ITPR2: variants seen among roughly 807,000 people sequenced by gnomAD.
ITPR2 encodes the protein inositol 1,4,5-trisphosphate-gated calcium channel ITPR2.
ITPR2 carries 207 observed loss-of-function variants against 317.1 expected under a neutral mutation model. The observed-to-expected ratio is 0.65, with a 90% CI of 0.58 to 0.73. The LOEUF is 0.73. Ranked by LOEUF, ITPR2 falls within the 30% of genes least tolerant of loss-of-function variation. The probability of loss-of-function intolerance (pLI) is 0.00; values close to 1 mark genes in which losing one functional copy is unlikely to be tolerated. For missense variants in ITPR2, 2,613 were observed against 3,284.0 expected (o/e 0.80, Z 4.99); for synonymous variants, 1,156 against 1,149.1 (o/e 1.01, Z -0.12).
intron 10 of ITPR2, among the ~76,000 whole-genome samples, chr12:26,688,810 G>A (rs1390527160): frequency 6.6e-6 from 1 of 152,126 alleles, no homozygotes; most frequent in Non-Finnish European, 1.5e-5. Context: ...TGGGTCTTGG[G>A]ACCCACTTTC....
chr12:26,761,464 C>T (rs1023863652), intron 2 of ITPR2, among the ~76,000 whole-genome samples: 10 of 152,284 alleles, frequency 6.6e-5, no homozygotes, highest in African/African-American at 2.2e-4. Flanking sequence ...GAGATCTATA[C>T]ATTTTCTGAT....
intron 49 of ITPR2, among the ~76,000 whole-genome samples, chr12:26,423,853 A>C (rs1370139895): frequency 6.6e-6 from 1 of 152,210 alleles, no homozygotes; most frequent in Non-Finnish European, 1.5e-5. Flanking sequence ...TATTGCGATC[A>C]CTTCTGTGAC....
At chr12:26,782,014 ATATATATATATATATATATG>A (rs1252524221) in intron 2 of ITPR2, among the ~76,000 whole-genome samples, 154 of 30,950 alleles carry the variant, frequency 5.0e-3, no homozygotes, top group Middle Eastern at 0.019. Flanking sequence ...ATATATATAT[ATATATATATATATATATATG>A]TATAGAGAGA....
intron 52 of ITPR2, among the ~76,000 whole-genome samples, chr12:26,403,762 A>G (rs1940255417): frequency 6.6e-6 from 1 of 152,178 alleles, no homozygotes; most frequent in South Asian, 2.1e-4. Flanking sequence ...GTTTGCCTTG[A>G]CTCATCAATG....
chr12:26,550,303 T>G lies in ITPR2; in HGVS notation c.5017A>C (p.Lys1673Gln). The change falls in exon 37 of 57, where the codon AAA (lysine) becomes CAA (glutamine). Residue 1673 changes from lysine (K) to glutamine (Q), a missense_variant. Around this residue, in one of 9 missense-constraint regions of ITPR2, gnomAD observed 926 missense variants for 1,072.8 expected, o/e 0.86. Coordinates refer to ENST00000381340, the MANE Select transcript of ITPR2 (RefSeq NM_002223.4). The part of the protein sequence containing the change: ...LMEKEEKLCI[K>Q]ILQTLREMLE... ...ATTTCTCGTAATGTCTGAAGAATTTTAATGCACAGTTTTTCTTCTTTCTCC... is the reference window on the plus strand; with the variant it reads ...ATTTCTCGTAATGTCTGAAGAATTTGAATGCACAGTTTTTCTTCTTTCTCC... The G allele has an allele frequency of 6.4e-7, 1 of 1,551,364 alleles. No homozygotes were observed. Among genetic ancestry groups the G allele is most frequent in the Non-Finnish European group, 8.9e-7 (1 of 1,129,344 alleles).
At chr12:26,661,586 A>G (rs1274529806) in intron 15 of ITPR2, among the ~76,000 whole-genome samples, 1 of 152,202 alleles carries the variant, frequency 6.6e-6, no homozygotes, top group Non-Finnish European at 1.5e-5. Context: ...GAGGGTGCAC[A>G]TCATGGGACC....
chr12:26,349,685 A>C (rs559410404), intron 55 of ITPR2, among the ~76,000 whole-genome samples: 1 of 152,248 alleles, frequency 6.6e-6, no homozygotes, highest in Non-Finnish European at 1.5e-5. Context: ...CGCCTTAGAG[A>C]CGTGCATGGC....
chr12:26,765,679 A>G (rs1342891781), intron 2 of ITPR2, among the ~76,000 whole-genome samples: 3 of 152,136 alleles, frequency 2.0e-5, no homozygotes, highest in Non-Finnish European at 4.4e-5. Context: ...TCACTTATTT[A>G]AAGTGTGTAA....
chr12:26,401,086 A>G (rs1940164099), intron 52 of ITPR2, among the ~76,000 whole-genome samples: 1 of 152,118 alleles, frequency 6.6e-6, no homozygotes, highest in South Asian at 2.1e-4. Context: ...AAAATTAGCC[A>G]GGCATGGTGG....
chr12:26,376,458 C>T (rs1939346387), intron 55 of ITPR2, among the ~76,000 whole-genome samples: 1 of 152,124 alleles, frequency 6.6e-6, no homozygotes, highest in African/African-American at 2.4e-5. Flanking sequence ...TTTTTCATAG[C>T]CATCATTTCT....
chr12:26,504,534 T>C (rs1183602663), intron 37 of ITPR2, among the ~76,000 whole-genome samples: 1 of 152,180 alleles, frequency 6.6e-6, no homozygotes, highest in Non-Finnish European at 1.5e-5. Context: ...AAAGAAATGC[T>C]AATAAAATGG....
intron 26 of ITPR2, among the ~76,000 whole-genome samples, chr12:26,609,640 G>A (rs1224905052): frequency 6.7e-6 from 1 of 148,206 alleles, no homozygotes; most frequent in Non-Finnish European, 1.5e-5. Context: ...AAAAAAAAAA[G>A]ATAGTAACTT....
At chr12:26,646,018 G>GAC (rs1253391934) in intron 21 of ITPR2, among the ~76,000 whole-genome samples, 1 of 141,670 alleles carries the variant, frequency 7.1e-6, no homozygotes, top group Non-Finnish European at 1.5e-5. Context: ...ATATCCAGTG[G>GAC]ACTAGGGCTT....
At chr12:26,525,334 G>A (rs1201352311) in intron 37 of ITPR2, among the ~76,000 whole-genome samples, 2 of 152,096 alleles carry the variant, frequency 1.3e-5, no homozygotes, top group Admixed American at 1.3e-4. Flanking sequence ...ATTTATGACA[G>A]ACATATAAAG....
intron 37 of ITPR2, among the ~76,000 whole-genome samples, chr12:26,508,020 G>A (rs1005130049): frequency 2.0e-5 from 3 of 152,098 alleles, no homozygotes; most frequent in African/African-American, 7.2e-5. Context: ...CCTGGGTGTT[G>A]GTAAGCATAA....
chr12:26,805,225 G>A (rs1950620616), intron 1 of ITPR2, among the ~76,000 whole-genome samples: 1 of 152,070 alleles, frequency 6.6e-6, no homozygotes. Flanking sequence ...TGTGATGTTG[G>A]GAAAGTCGTT....
At chr12:26,605,500 A>C (rs1946111583) in intron 26 of ITPR2, among the ~76,000 whole-genome samples, 1 of 152,204 alleles carries the variant, frequency 6.6e-6, no homozygotes, top group Non-Finnish European at 1.5e-5. Context: ...AAAGCTTCTT[A>C]GTTAGAAAAG....
At chr12:26,630,304 G>A (rs897687435) in intron 22 of ITPR2, among the ~76,000 whole-genome samples, 2 of 151,710 alleles carry the variant, frequency 1.3e-5, no homozygotes, top group Non-Finnish European at 2.9e-5. Flanking sequence ...AAAAACAAGT[G>A]GAAAGTAGAA....
At chr12:26,658,584 G>C (rs1046450714) in intron 16 of ITPR2, among the ~76,000 whole-genome samples, 1 of 152,188 alleles carries the variant, frequency 6.6e-6, no homozygotes, top group African/African-American at 2.4e-5. Flanking sequence ...TATTTGCTGT[G>C]CTAATTAGCT....
Sources: gnomAD v4.1 joint callset for allele counts (sites outside exome capture counted in the v4.1 genomes callset) on GRCh38, gnomAD v4.1.1 for gene constraint, gnomAD v4.1.1 regional missense constraint, MANE v1.5 for transcripts, NCBI Gene and HGNC (gene_info 2026-07-23, HGNC 2026-07-21) for gene names.